Variants in GREB1 observed in about 807,000 individuals in gnomAD.
GREB1 encodes the protein growth regulating estrogen receptor binding 1, also known as protein GREB1.
Under a neutral mutation model 200.7 loss-of-function variants are expected in GREB1, and 106 were observed. That is an observed-to-expected ratio of 0.53 (90% CI 0.45 to 0.62). The LOEUF (loss-of-function observed/expected upper bound fraction) is 0.62, where lower values mean the gene tolerates loss of function less well. Ranked by LOEUF, GREB1 falls within the 20% of genes least tolerant of loss-of-function variation. The pLI is 0.00. For missense variants in GREB1, 2,243 were observed against 2,556.8 expected, an observed-to-expected ratio of 0.88 and a Z score of 2.65; for synonymous variants, 1,132 against 1,092.4, an observed-to-expected ratio of 1.04 and a Z score of -0.72.
chr2:11,625,316 A>C lies in GREB1; in HGVS notation c.4306+4A>C, dbSNP rs377004116. On this transcript the variant is annotated splice_donor_region_variant and intron_variant, in intron 24 of 32. Transcript: ENST00000381486. ...TATCAGGGTATAAAGAGTGAAGGTC[A>C]GACTTTGAATCTCTCGTTTCACCTT... The C allele has an allele frequency of 6.2e-7, 1 of 1,613,970 alleles. No individual in the cohort carries two copies. The highest frequency in any genetic ancestry group is 1.1e-5 in the South Asian group (1 of 91,060).
chr2:11,520,692 C>A (rs185875749), intron 1 of GREB1, among the ~76,000 whole-genome samples: 1 of 149,264 alleles, frequency 6.7e-6, no homozygotes, highest in Non-Finnish European at 1.5e-5. Context: ...TAAAGACTCA[C>A]GTGATTAGAT....
chr2:11,589,897 G>A (rs887167253), intron 10 of GREB1, among the ~76,000 whole-genome samples: 4 of 152,190 alleles, frequency 2.6e-5, no homozygotes, highest in Non-Finnish European at 5.9e-5. Flanking sequence ...GTTTGTACAA[G>A]ATGCCCACGA....
chr2:11,556,899 A>G (rs1676483794), intron 2 of GREB1, 128 bp downstream of exon 2: 2 of 709,114 alleles, frequency 2.8e-6, no homozygotes, highest in Non-Finnish European at 4.3e-6. Flanking sequence ...ATTATTAGAA[A>G]AAGAAAACTG....
intron 27 of GREB1, 93 bp from the exon 28 acceptor site, chr2:11,632,796 C>T (rs534948534): frequency 6.4e-6 from 7 of 1,098,704 alleles, no homozygotes; most frequent in Non-Finnish European, 8.0e-6. Flanking sequence ...GCTGGCTTGT[C>T]TGGGCGGCCC....
chr2:11,528,143 G>C (rs1357259600), intron 1 of GREB1, among the ~76,000 whole-genome samples: 1 of 152,162 alleles, frequency 6.6e-6, no homozygotes, highest in Non-Finnish European at 1.5e-5. Flanking sequence ...TTCACACCAG[G>C]AAAGTGCCCT....
upstream of GREB1, among the ~76,000 whole-genome samples, chr2:11,530,114 G>A (rs1438865552): frequency 6.6e-6 from 1 of 151,810 alleles, no homozygotes; most frequent in Non-Finnish European, 1.5e-5. Flanking sequence ...CTGGATGGAG[G>A]ACAGGGGCAC....
At position 11,556,732 on chromosome 2, in the gene GREB1, C is replaced by G. The variant is rs1320671728; in HGVS notation, c.118C>G (p.Leu40Val). 6.2e-7 allele frequency: 1 copy of G among 1,614,016 alleles called. No homozygotes were observed. Among genetic ancestry groups the G allele is most frequent in the Non-Finnish European group, 8.5e-7 (1 of 1,179,992 alleles). Residue 40 changes from leucine (L) to valine (V), a missense_variant, in exon 2 of 33, where the codon CTG (leucine) becomes GTG (valine). Leu to Val is a conservative substitution (Grantham distance 32, BLOSUM62 1). This residue lies in a region of GREB1 where 1,178 missense variants were observed against 1,387.4 expected (regional missense o/e 0.85). Transcript: ENST00000381486. Reference sequence around the variant, plus strand: ...GGTGCCCAGGCCCATCTTTTCCCAGCTGTACCTGGAAGCTGAGCAGCAGCT... The same window carrying G: ...GGTGCCCAGGCCCATCTTTTCCCAGGTGTACCTGGAAGCTGAGCAGCAGCT... ...NLVPRPIFSQ[L>V]YLEAEQQLAA... is the part of the protein sequence containing the mutation.
intron 17 of GREB1, among the ~76,000 whole-genome samples, chr2:11,604,851 T>C (rs72772089): frequency 5.6e-4 from 85 of 152,342 alleles, no homozygotes; most frequent in Non-Finnish European, 1.1e-3. Flanking sequence ...CTTGCCACCA[T>C]GTGTGTGGTC....
At chr2:11,588,185 C>T (rs370209010) in intron 9 of GREB1, 11 of 623,108 alleles carry the variant, frequency 1.8e-5, no homozygotes, top group South Asian at 6.5e-5. Context: ...GCCGAGATCA[C>T]GCCACTGCAC....
chr2:11,493,068 C>T lies in GREB1; in HGVS notation c.-159+10687C>T, dbSNP rs1672805762. 3.3e-5 allele frequency among the ~76,000 whole-genome samples: 5 copies of T among 152,212 alleles called. No individual in the cohort carries two copies. The South Asian group carries it at 1.0e-3, about 31-fold the overall frequency. On this transcript the variant is annotated intron_variant, in intron 1 of 2. Transcript: ENST00000628795. The surrounding 1 kb of genome is among the most constrained non-coding windows in gnomAD (Gnocchi z 4.6). ...AATTGTCCCAAGATGATTGATCGTA[C>T]AAACCTATCAATGAAGACACCTTGA...
intron 1 of GREB1, among the ~76,000 whole-genome samples, chr2:11,539,006 C>CCT (rs1491246339): frequency 6.7e-5 from 7 of 104,238 alleles, no homozygotes; most frequent in African/African-American, 1.7e-4. Context: ...CCTCCTTTCT[C>CCT]CCTTCTCCTC....
intron 7 of GREB1, among the ~76,000 whole-genome samples, chr2:11,582,515 G>A (rs1679602315): frequency 6.6e-6 from 1 of 152,220 alleles, no homozygotes; most frequent in Non-Finnish European, 1.5e-5. Flanking sequence ...GCCTTTCTGA[G>A]GTTAGTTCAG....
chr2:11,495,171 A>C (rs1672853928), intron 1 of GREB1, among the ~76,000 whole-genome samples: 1 of 152,218 alleles, frequency 6.6e-6, no homozygotes, highest in Non-Finnish European at 1.5e-5. Flanking sequence ...CATGTTGAGC[A>C]TCTCACTGGG....
chr2:11,499,871 A>C (rs1215973957), intron 1 of GREB1, among the ~76,000 whole-genome samples: 1 of 152,164 alleles, frequency 6.6e-6, no homozygotes, highest in Non-Finnish European at 1.5e-5. Flanking sequence ...TCTACTACTC[A>C]AATTTTAGTA....
intron 1 of GREB1, among the ~76,000 whole-genome samples, chr2:11,495,792 C>T (rs1250768701): frequency 7.1e-6 from 1 of 140,522 alleles, no homozygotes; most frequent in Non-Finnish European, 1.5e-5. Flanking sequence ...GGATAAGTCC[C>T]CCCGTTTTTT....
At chr2:11,615,316 C>T (rs1406542793) in intron 20 of GREB1, 26 bp downstream of exon 20, 6 of 1,538,858 alleles carry the variant, frequency 3.9e-6, no homozygotes, top group East Asian at 2.4e-5. Context: ...CCTCAGCCTA[C>T]TTGTCCCTGT....
At chr2:11,571,148 A>G (rs1339062409) in intron 4 of GREB1, among the ~76,000 whole-genome samples, 3 of 151,990 alleles carry the variant, frequency 2.0e-5, no homozygotes, top group African/African-American at 7.3e-5. Flanking sequence ...CTTTTTTTCA[A>G]TTAATATGGC....
At chr2:11,526,478 C>T (rs148882828) in intron 1 of GREB1, among the ~76,000 whole-genome samples, 1 of 151,776 alleles carries the variant, frequency 6.6e-6, no homozygotes, top group South Asian at 2.1e-4. Context: ...GTATTCGGTA[C>T]TAATTGTGAT....
intron 1 of GREB1, among the ~76,000 whole-genome samples, chr2:11,489,103 T>C (rs1672723244): frequency 6.6e-6 from 1 of 152,144 alleles, no homozygotes; most frequent in Non-Finnish European, 1.5e-5. Flanking sequence ...TATGAAACTC[T>C]GGATAGAATG....
Sources: allele counts gnomAD v4.1 joint callset (sites outside exome capture counted in the v4.1 genomes callset), GRCh38; gene constraint gnomAD v4.1.1; regional missense constraint gnomAD v4.1.1; non-coding constraint Gnocchi (gnomAD v3.1); transcripts MANE v1.5; gene names NCBI Gene and HGNC (gene_info 2026-07-23, HGNC 2026-07-21).